ATXN7: variants seen among roughly 807,000 people sequenced by gnomAD.
ATXN7 encodes ataxin-7.
Under a neutral mutation model 70.5 loss-of-function variants are expected in ATXN7, and 12 were observed. That is an observed-to-expected ratio of 0.17 (90% CI 0.11 to 0.28). The LOEUF is 0.28. Among genes scored for constraint, ATXN7 ranks in the 10% least tolerant of loss-of-function variants. The pLI, the probability that ATXN7 is intolerant of heterozygous loss-of-function variation, is 1.00. For synonymous variants in ATXN7, 498 were observed against 448.7 expected (o/e 1.11, Z -1.39); for missense variants, 1,256 against 1,131.7 (o/e 1.11, Z -1.58).
At position 63,863,897 on chromosome 3, in the gene ATXN7, A is replaced by C. The variant is rs1448801397; in HGVS notation, c.-372A>C. The C allele has an allele frequency of 9.0e-7, 1 of 1,110,892 alleles. No homozygotes were observed. Among genetic ancestry groups the C allele is most frequent in the Non-Finnish European group, 1.1e-6 (1 of 913,554 alleles). 68.8% of individuals were successfully genotyped at this position (1,110,892 alleles called of 1,614,324 possible). A position where few individuals can be genotyped will look rare whatever the true frequency, so the allele number is the denominator to read the frequency against. On this transcript the variant is annotated 5_prime_UTR_variant, in exon 1 of 13. Coordinates refer to ENST00000674280, the MANE Select transcript of ATXN7 (RefSeq NM_001377405.1). ...GCAGCCGGGTAAACAGCCATGGAGG[A>C]GGAGGCGGCGGCGCCCGCGGCCGCC...
intron 12 of ATXN7, among the ~76,000 whole-genome samples, chr3:63,996,853 G>T (rs1472314030): frequency 6.6e-6 from 1 of 152,190 alleles, no homozygotes; most frequent in Non-Finnish European, 1.5e-5. Context: ...TGTGCCATTC[G>T]AGGCTTTAAG....
At chr3:63,984,595 G>A (rs189667679) in intron 8 of ATXN7, among the ~76,000 whole-genome samples, 9 of 152,326 alleles carry the variant, frequency 5.9e-5, no homozygotes, top group Non-Finnish European at 1.3e-4. Context: ...GTACCTGTGG[G>A]CAATGAGGTT....
intron 4 of ATXN7, among the ~76,000 whole-genome samples, chr3:63,919,889 GTGT>G (rs1704440343): frequency 6.6e-6 from 1 of 151,472 alleles, no homozygotes; most frequent in Admixed American, 6.6e-5. Flanking sequence ...AATGGTGCTT[GTGT>G]TCTGTTAAGC....
Position 63,996,214 on chromosome 3 carries a change from A to G in ATXN7, c.2392A>G (p.Ser798Gly). 6.2e-7 allele frequency: 1 copy of G among 1,614,194 alleles called. No individual in the cohort carries two copies. The highest frequency in any genetic ancestry group is 8.5e-7 in the Non-Finnish European group (1 of 1,180,038). The change falls in exon 12 of 13, where the codon AGT becomes GGT. Residue 798 changes from serine to glycine, a missense_variant. Transcript: ENST00000674280. The part of the protein sequence containing the change: ...IKRMSVMVNS[S>G]DSTLSLGPFI... ...GAGGATGAGTGTGATGGTGAACAGC[A>G]GTGATTCTACTCTTTCTCTTGGGCC... is the stretch of plus-strand genomic sequence containing the variant.
rs766212815 is a variant in ATXN7 at position 63,996,160 on chromosome 3, C to G, written c.2338C>G (p.Pro780Ala). ...GCATGACCAGTCAGGGAGGGGCCCC[C>G]CCACCGGGAGCCCTGCTGAATCCAT... ...VRHDQSGRGP[P>A]TGSPAESIKR... The change falls in exon 12 of 13, where the codon CCC (proline) becomes GCC (alanine). Residue 780 changes from proline (P) to alanine (A), a missense_variant. Transcript: ENST00000674280. 6.2e-7 allele frequency: 1 copy of G among 1,614,114 alleles called. No homozygotes were observed. The highest frequency in any genetic ancestry group is 8.5e-7 in the Non-Finnish European group (1 of 1,180,032).
intron 1 of ATXN7, among the ~76,000 whole-genome samples, chr3:63,890,178 C>G (rs1275762220): frequency 1.3e-5 from 2 of 152,082 alleles, no homozygotes; most frequent in African/African-American, 2.4e-5. Context: ...TGTAGCAAGC[C>G]AATTTTCTTG....
rs1173580440 is a variant in ATXN7, at chr3:63,980,115, A to T, written c.700A>T (p.Asn234Tyr). The change falls in exon 6 of 13, where the codon AAC (asparagine) becomes TAC (tyrosine). Residue 234 changes from asparagine (N) to tyrosine (Y), a missense_variant. Transcript: ENST00000674280. Reference sequence around the variant, plus strand: ...CAAAGAGAAACTGCAGCTCAGGGGGAACACCAGGCCAATGCATCCCATTCA... The same window carrying T: ...CAAAGAGAAACTGCAGCTCAGGGGGTACACCAGGCCAATGCATCCCATTCA... ...SPKEKLQLRG[N>Y]TRPMHPIQQS... 4.3e-6 allele frequency: 7 copies of T among 1,614,188 alleles called. No individual in the cohort carries two copies. In the South Asian group the frequency reaches 5.5e-5, roughly 13 times the overall value.
At chr3:63,883,673 G>A (rs928078015) in intron 1 of ATXN7, among the ~76,000 whole-genome samples, 1 of 152,122 alleles carries the variant, frequency 6.6e-6, no homozygotes, top group Non-Finnish European at 1.5e-5. Flanking sequence ...CATCACGAGT[G>A]TATTTCAAAG....
At chr3:63,907,282 T>C (rs1375242111) in intron 2 of ATXN7, among the ~76,000 whole-genome samples, 1 of 152,158 alleles carries the variant, frequency 6.6e-6, no homozygotes, top group African/African-American at 2.4e-5. Flanking sequence ...TCTTAATGGC[T>C]GAGCCCCCAA....
intron 1 of ATXN7, among the ~76,000 whole-genome samples, chr3:63,872,601 A>G (rs1272044377): frequency 2.0e-5 from 3 of 152,230 alleles, no homozygotes; most frequent in Non-Finnish European, 4.4e-5. Context: ...AAAGCAAGTC[A>G]CAAGGCCAAC....
At chr3:63,956,420 CAAAAAAAAAAAAAAAA>C (rs1175948780) in intron 5 of ATXN7, among the ~76,000 whole-genome samples, 6 of 36,694 alleles carry the variant, frequency 1.6e-4, no homozygotes, top group Admixed American at 3.9e-4. Context: ...GACTGCATCT[CAAAAAAAAAAAAAAAA>C]AAAAAAAAAA....
chr3:63,910,826 ATG>A (rs143497786), intron 2 of ATXN7, among the ~76,000 whole-genome samples: 150 of 150,720 alleles, frequency 1.0e-3, no homozygotes, highest in African/African-American at 2.4e-3. Flanking sequence ...TAAAATAAAA[ATG>A]TGTGTGTGTG....
At chr3:63,896,752 C>G (rs1276760099) in intron 1 of ATXN7, among the ~76,000 whole-genome samples, 1 of 152,048 alleles carries the variant, frequency 6.6e-6, no homozygotes, top group Non-Finnish European at 1.5e-5. Flanking sequence ...CTGCAACTAT[C>G]ATTTTTCTCT....
intron 1 of ATXN7, among the ~76,000 whole-genome samples, chr3:63,894,860 G>C (rs1339925686): frequency 6.6e-6 from 1 of 152,162 alleles, no homozygotes; most frequent in Non-Finnish European, 1.5e-5. Context: ...AACCAGCTGA[G>C]ATAAATCTCT....
intron 4 of ATXN7, among the ~76,000 whole-genome samples, chr3:63,915,310 C>T (rs185538452): frequency 7.0e-4 from 106 of 152,280 alleles, no homozygotes; most frequent in African/African-American, 1.9e-3. Flanking sequence ...CTGTAGCTAC[C>T]AGGCCACTTG....
intron 4 of ATXN7, among the ~76,000 whole-genome samples, chr3:63,949,363 A>G (rs557089922): frequency 1.9e-4 from 29 of 152,176 alleles, no homozygotes; most frequent in Non-Finnish European, 2.1e-4. Context: ...GAAAGCTAAA[A>G]TTAAAGTTGC....
chr3:63,954,472 A>G lies in ATXN7; in HGVS notation c.499+1989A>G, dbSNP rs558069432. Among the ~76,000 whole-genome samples the G allele has an allele frequency of 6.6e-5, 10 of 152,254 alleles. No individual in the cohort carries two copies. In the South Asian group the frequency reaches 1.2e-3, roughly 19 times the overall value. On this transcript the variant is annotated intron_variant, in intron 5 of 12. Coordinates refer to ENST00000674280, the MANE Select transcript of ATXN7 (RefSeq NM_001377405.1). ...ACTAGCTCACAGGGCCTCAGTGCCAATCGGAGTTCCCTGCTCTGGACGTGT... is the reference window on the plus strand; with the variant it reads ...ACTAGCTCACAGGGCCTCAGTGCCAGTCGGAGTTCCCTGCTCTGGACGTGT...
At chr3:63,983,148 G>A (rs2075517693) in intron 8 of ATXN7, 127 bp downstream of exon 8, 2 of 757,722 alleles carry the variant, frequency 2.6e-6, no homozygotes, top group Non-Finnish European at 4.5e-6. Context: ...AATTGTGTAG[G>A]TGAAGGAATA....
intron 6 of ATXN7, chr3:63,980,420 CTA>C: frequency 5.7e-6 from 3 of 530,452 alleles, no homozygotes; most frequent in Admixed American, 3.2e-5. Context: ...AAACCTAACT[CTA>C]TGTGTGTACT....
Sources: gnomAD v4.1 joint callset for allele counts (sites outside exome capture counted in the v4.1 genomes callset) on GRCh38, gnomAD v4.1.1 for gene constraint, MANE v1.5 for transcripts, NCBI Gene and HGNC (gene_info 2026-07-23, HGNC 2026-07-21) for gene names.